Variants in MAP3K19 observed in about 807,000 individuals in gnomAD.
The protein encoded by MAP3K19 is mitogen-activated protein kinase kinase kinase 19, also known as SPS1/STE20-related protein kinase YSK4.
A neutral mutation model predicts 114.4 loss-of-function variants in MAP3K19; 91 were observed. That is an observed-to-expected ratio of 0.80 (90% CI 0.67 to 0.95). MAP3K19 has a LOEUF of 0.95. Among genes scored for constraint, MAP3K19 ranks in the 40% least tolerant of loss-of-function variants. The pLI, the probability that MAP3K19 is intolerant of heterozygous loss-of-function variation, is 0.00. For synonymous variants in MAP3K19, 518 were observed against 530.5 expected (o/e 0.98, Z 0.32); for missense variants, 1,471 against 1,573.2 (o/e 0.94, Z 1.10).
intron 10 of MAP3K19, among the ~76,000 whole-genome samples, chr2:134,984,709 T>C (rs1411877341): frequency 6.6e-6 from 1 of 152,146 alleles, no homozygotes; most frequent in Admixed American, 6.6e-5. Flanking sequence ...TCCCAGCACT[T>C]TGGGAGGCCG....
At chr2:134,977,251 G>A (rs1490751100) in intron 12 of MAP3K19, among the ~76,000 whole-genome samples, 2 of 150,184 alleles carry the variant, frequency 1.3e-5, no homozygotes, top group Non-Finnish European at 3.0e-5. Context: ...GCATGATCAC[G>A]GTTCACTGTG....
intron 11 of MAP3K19, 21 bp from the exon 12 acceptor site, chr2:134,981,539 C>T: frequency 6.5e-7 from 1 of 1,528,858 alleles, no homozygotes; most frequent in Non-Finnish European, 8.9e-7. Context: ...ATCAATAATA[C>T]CTTGTTATTA....
intron 12 of MAP3K19, among the ~76,000 whole-genome samples, chr2:134,979,429 T>C (rs1042642625): frequency 9.8e-5 from 14 of 143,464 alleles, no homozygotes; most frequent in South Asian, 2.3e-4. Context: ...CCACCCTTTC[T>C]CTTTAAAGTG....
rs1331462290 is a variant in MAP3K19, at chr2:135,023,581, C to T, written c.22+1045G>A. ...CACTTTCCAGGCCTTAAAATTTAGTCATCTTTGACTCAAGTTTCTCAGCGG... is the reference window on the plus strand; with the variant it reads ...CACTTTCCAGGCCTTAAAATTTAGTTATCTTTGACTCAAGTTTCTCAGCGG... On this transcript the variant is annotated intron_variant, in intron 4 of 12. Coordinates refer to ENST00000392915, the MANE Select transcript of MAP3K19 (RefSeq NM_025052.5). The T allele has an allele frequency of 5.7e-6, 3 of 526,830 alleles. No individual in the cohort carries two copies. In the East Asian group the frequency reaches 1.6e-4, roughly 29 times the overall value. The allele number at this position is 526,830 out of a possible 1,614,324, so 32.6% of individuals were successfully genotyped here.
intron 8 of MAP3K19, among the ~76,000 whole-genome samples, chr2:134,997,826 A>AAAAAAAAAAAAAAAAAAAAAAAAAAAC: frequency 2.0e-5 from 3 of 151,288 alleles, no homozygotes; most frequent in Non-Finnish European, 2.9e-5. Flanking sequence ...TCAAAAAAAA[A>AAAAAAAAAAAAAAAAAAAAAAAAAAAC]AAAACTTTAA....
chr2:134,993,245 G>C (rs1685738752), intron 8 of MAP3K19, among the ~76,000 whole-genome samples: 1 of 152,118 alleles, frequency 6.6e-6, no homozygotes. Flanking sequence ...GCCTCAGGCT[G>C]TCATTCTGAA....
At chr2:135,014,286 G>T (rs574390757) in intron 5 of MAP3K19, among the ~76,000 whole-genome samples, 13 of 152,198 alleles carry the variant, frequency 8.5e-5, no homozygotes, top group African/African-American at 3.1e-4. Context: ...CCTGGAAGGC[G>T]GAGGTTGCAG....
At chr2:135,004,854 C>A (rs945254369) in intron 6 of MAP3K19, among the ~76,000 whole-genome samples, 1 of 152,218 alleles carries the variant, frequency 6.6e-6, no homozygotes, top group East Asian at 1.9e-4. Flanking sequence ...TCAGGGACAA[C>A]GGCTCATGGA....
At chr2:134,970,246 T>G (rs1449002368) in intron 12 of MAP3K19, among the ~76,000 whole-genome samples, 4 of 152,204 alleles carry the variant, frequency 2.6e-5, no homozygotes, top group African/African-American at 9.6e-5. Flanking sequence ...TTGATTCTTG[T>G]GACCCATGAG....
At chr2:134,996,241 G>A (rs1292055841) in intron 8 of MAP3K19, among the ~76,000 whole-genome samples, 1 of 150,648 alleles carries the variant, frequency 6.6e-6, no homozygotes. Flanking sequence ...TTACAGGCGT[G>A]TGCCTGTGCA....
At chr2:135,000,784 C>A (rs1485488835) in intron 6 of MAP3K19, among the ~76,000 whole-genome samples, 1 of 152,150 alleles carries the variant, frequency 6.6e-6, no homozygotes, top group Non-Finnish European at 1.5e-5. Context: ...ATGCTTGCCC[C>A]GGTATTCATT....
chr2:135,045,872 T>G (rs1233029103), intron 1 of MAP3K19, among the ~76,000 whole-genome samples: 1 of 151,936 alleles, frequency 6.6e-6, no homozygotes, highest in Non-Finnish European at 1.5e-5. Context: ...GCACATAGCA[T>G]TATCCCTATA....
intron 8 of MAP3K19, among the ~76,000 whole-genome samples, chr2:134,995,103 A>G (rs4953944): frequency 0.29 from 44,714 of 151,906 alleles, 7,346 homozygotes; most frequent in Middle Eastern, 0.62. Flanking sequence ...CTTGAGCCCA[A>G]GAGTTCAAGA....
intron 6 of MAP3K19, among the ~76,000 whole-genome samples, chr2:135,002,108 G>A (rs1362126373): frequency 6.6e-6 from 1 of 152,066 alleles, no homozygotes; most frequent in East Asian, 1.9e-4. Flanking sequence ...CATTGTCACA[G>A]GTAAAGACAA....
intron 5 of MAP3K19, among the ~76,000 whole-genome samples, chr2:135,016,635 C>T (rs979128752): frequency 2.0e-5 from 3 of 152,168 alleles, no homozygotes; most frequent in Non-Finnish European, 2.9e-5. Context: ...TTCCAATCCA[C>T]TAACATGTTA....
rs181828871 is a variant in MAP3K19, at chr2:134,971,500, G to A, written c.3921-6584C>T. On this transcript the variant is annotated intron_variant, in intron 12 of 12. Coordinates refer to ENST00000392915, the MANE Select transcript of MAP3K19 (RefSeq NM_025052.5). Reference sequence around the variant, plus strand: ...TTGGAATAGTTGGAGGATAACTGGTGTTAGTTCTTCTTTATGAGTTTGGTA... The same window carrying A: ...TTGGAATAGTTGGAGGATAACTGGTATTAGTTCTTCTTTATGAGTTTGGTA... 1.1e-3 allele frequency among the ~76,000 whole-genome samples: 170 copies of A among 152,256 alleles called. 1 individual carries two copies. Among genetic ancestry groups the A allele is most frequent in the African/African-American group, 4.0e-3 (166 of 41,540 alleles).
At position 134,999,813 on chromosome 2, in the gene MAP3K19, A is replaced by G; in HGVS notation, c.314+124T>C. 1 of 698,338 alleles carries G rather than the reference A, an allele frequency of 1.4e-6. No individual in the cohort carries two copies. Among genetic ancestry groups the G allele is most frequent in the African/African-American group, 1.8e-5 (1 of 56,608 alleles). 43.3% of individuals were successfully genotyped at this position (698,338 alleles called of 1,614,324 possible). On this transcript the variant is annotated intron_variant, in intron 7 of 12. Coordinates refer to ENST00000392915, the MANE Select transcript of MAP3K19 (RefSeq NM_025052.5). The surrounding 1 kb of genome is among the most constrained non-coding windows in gnomAD (Gnocchi z 4.1). ...TATGATCTGGCCTCTGCCACATACT[A>G]TTTATTGTGACCTCTACTTTTAAGC...
chr2:134,985,864 A>G lies in MAP3K19; in HGVS notation c.3008T>C (p.Val1003Ala), dbSNP rs536365991. The G allele has an allele frequency of 8.1e-5, 130 of 1,613,836 alleles. 1 individual carries two copies. The South Asian group carries it at 1.3e-3, about 16-fold the overall frequency. Residue 1003 changes from valine (V) to alanine (A), a missense_variant, in exon 10 of 13, where the codon GTC (valine) becomes GCC (alanine). Transcript: ENST00000392915. ...NETDPENLNL[V>A]LRWRGSTPKE... The stretch of plus-strand genomic sequence containing the variant: ...TGGGGTACTTCCTCTCCATCTGAGG[A>G]CAAGATTTAGGTTTTCAGGATCTGT...
intron 12 of MAP3K19, among the ~76,000 whole-genome samples, chr2:134,973,156 G>A (rs1559136658): frequency 6.6e-6 from 1 of 152,166 alleles, no homozygotes; most frequent in South Asian, 2.1e-4. Context: ...TTGGTTTAAA[G>A]TGCAATTTAA....
Sources: gnomAD v4.1 joint callset for allele counts (sites outside exome capture counted in the v4.1 genomes callset) on GRCh38, gnomAD v4.1.1 for gene constraint, Gnocchi (gnomAD v3.1) non-coding constraint, MANE v1.5 for transcripts, NCBI Gene and HGNC (gene_info 2026-07-23, HGNC 2026-07-21) for gene names.